The following MARCHF10 variants were observed in gnomAD, a reference collection of about 807,000 sequenced individuals.
MARCHF10 encodes the protein membrane associated ring-CH-type finger 10.
In MARCHF10, 64 loss-of-function variants were observed where a neutral mutation model predicts 76.2. The observed-to-expected ratio is 0.84, with a 90% CI of 0.69 to 1.03. The LOEUF (loss-of-function observed/expected upper bound fraction) is 1.03. Among genes scored for constraint, MARCHF10 ranks in the 50% least tolerant of loss-of-function variants. The probability of loss-of-function intolerance (pLI) is 0.00; values close to 1 mark genes in which losing one functional copy is unlikely to be tolerated. For synonymous variants in MARCHF10, 340 were observed against 357.5 expected, an observed-to-expected ratio of 0.95 and a Z score of 0.55; for missense variants, 875 against 958.0, an observed-to-expected ratio of 0.91 and a Z score of 1.14.
chr17:62,765,101 C>A (rs1290226703), intron 3 of MARCHF10, among the ~76,000 whole-genome samples: 1 of 152,088 alleles, frequency 6.6e-6, no homozygotes, highest in Non-Finnish European at 1.5e-5. Flanking sequence ...AATCCCAGCA[C>A]TTTGGGAGGC....
intron 4 of MARCHF10, among the ~76,000 whole-genome samples, chr17:62,755,699 G>C (rs1233182386): frequency 6.6e-6 from 1 of 152,174 alleles, no homozygotes; most frequent in Non-Finnish European, 1.5e-5. Flanking sequence ...TGGAGATAAA[G>C]CCTTTCTCTG....
chr17:62,779,550 T>C (rs2092617744), intron 3 of MARCHF10, among the ~76,000 whole-genome samples: 1 of 152,050 alleles, frequency 6.6e-6, no homozygotes, highest in African/African-American at 2.4e-5. Context: ...ACCCAGGTCA[T>C]AGAAAAACAC....
chr17:62,746,992 CCTTA>C (rs2091728576), intron 4 of MARCHF10: 7 of 1,528,050 alleles, frequency 4.6e-6, no homozygotes, highest in Non-Finnish European at 6.1e-6. Flanking sequence ...TGGAAAAAAC[CCTTA>C]CTTTCAGCGT....
chr17:62,801,564 A>T (rs2093073705), intron 2 of MARCHF10, 82 bp downstream of exon 2: 7 of 1,242,328 alleles, frequency 5.6e-6, no homozygotes, highest in Non-Finnish European at 7.0e-6. Context: ...TTTACTGCTT[A>T]TCATACGTTG....
chr17:62,735,620 T>TG (rs1169961106), intron 6 of MARCHF10: 18 of 301,842 alleles, frequency 6.0e-5, no homozygotes, highest in Non-Finnish European at 8.9e-5. Flanking sequence ...TCTTCATTGC[T>TG]GGAGAGAAGA....
intron 2 of MARCHF10, among the ~76,000 whole-genome samples, chr17:62,797,968 C>T (rs2093012506): frequency 6.6e-6 from 1 of 152,050 alleles, no homozygotes; most frequent in African/African-American, 2.4e-5. Context: ...GAGGAAGAGA[C>T]AGGGAAGGCT....
chr17:62,780,058 T>C (rs1258271878), intron 3 of MARCHF10, among the ~76,000 whole-genome samples: 2 of 151,828 alleles, frequency 1.3e-5, no homozygotes, highest in Non-Finnish European at 2.9e-5. Flanking sequence ...GATCTCACCG[T>C]TGCACTCCAG....
At chr17:62,772,334 C>T (rs2092464219) in intron 3 of MARCHF10, among the ~76,000 whole-genome samples, 1 of 152,152 alleles carries the variant, frequency 6.6e-6, no homozygotes, top group Non-Finnish European at 1.5e-5. Context: ...CTTTCGCCTT[C>T]TGCCATGATT....
intron 3 of MARCHF10, among the ~76,000 whole-genome samples, chr17:62,763,161 A>G (rs561021051): frequency 4.6e-5 from 7 of 152,342 alleles, no homozygotes; most frequent in African/African-American, 1.4e-4. Context: ...CCATGCAAGT[A>G]TTGGCTTTTA....
chr17:62,764,906 T>G (rs907028331), intron 3 of MARCHF10, among the ~76,000 whole-genome samples: 1 of 152,178 alleles, frequency 6.6e-6, no homozygotes, highest in Non-Finnish European at 1.5e-5. Context: ...CTCAGTAGGC[T>G]TTTTGGTCTT....
At chr17:62,783,209 T>G (rs1215700687) in intron 3 of MARCHF10, among the ~76,000 whole-genome samples, 1 of 149,392 alleles carries the variant, frequency 6.7e-6, no homozygotes, top group Non-Finnish European at 1.5e-5. Context: ...TTTTTTTTTT[T>G]TTTTTTTTTT....
At chr17:62,754,283 G>C (rs777977010) in intron 4 of MARCHF10, among the ~76,000 whole-genome samples, 2 of 152,190 alleles carry the variant, frequency 1.3e-5, no homozygotes, top group African/African-American at 2.4e-5. Context: ...ATGTTGGCCA[G>C]GCTGGTTTCT....
At chr17:62,717,075 C>T (rs1010513251) in intron 8 of MARCHF10, among the ~76,000 whole-genome samples, 5 of 152,248 alleles carry the variant, frequency 3.3e-5, no homozygotes, top group Admixed American at 6.5e-5. Context: ...GTTTCAGTGA[C>T]GTTGTAGATA....
intron 4 of MARCHF10, among the ~76,000 whole-genome samples, chr17:62,753,449 C>T (rs969020737): frequency 1.3e-5 from 2 of 152,160 alleles, no homozygotes; most frequent in Admixed American, 6.5e-5. Context: ...TAGGAATATC[C>T]CTGAGATCTT....
At chr17:62,755,037 C>T (rs1208606935) in intron 4 of MARCHF10, among the ~76,000 whole-genome samples, 1 of 152,200 alleles carries the variant, frequency 6.6e-6, no homozygotes, top group African/African-American at 2.4e-5. Context: ...CTTAGCTTTA[C>T]AAGAACCTGT....
chr17:62,795,954 T>C (rs1290354005), intron 2 of MARCHF10, among the ~76,000 whole-genome samples: 3 of 151,662 alleles, frequency 2.0e-5, no homozygotes, highest in African/African-American at 7.3e-5. Flanking sequence ...TAAATACACA[T>C]GGGCTGTCTA....
At chr17:62,769,950 G>C (rs2092410864) in intron 3 of MARCHF10, among the ~76,000 whole-genome samples, 1 of 152,052 alleles carries the variant, frequency 6.6e-6, no homozygotes, top group Non-Finnish European at 1.5e-5. Context: ...ATGCAGGTTT[G>C]TTACATGGGT....
At chr17:62,748,549 C>A (rs1267482314) in intron 4 of MARCHF10, among the ~76,000 whole-genome samples, 1 of 152,118 alleles carries the variant, frequency 6.6e-6, no homozygotes, top group Non-Finnish European at 1.5e-5. Context: ...CCAGCCTGGG[C>A]AACAAAGTGA....
intron 4 of MARCHF10, among the ~76,000 whole-genome samples, chr17:62,753,638 G>A (rs753425374): frequency 8.5e-5 from 13 of 152,052 alleles, no homozygotes; most frequent in Non-Finnish European, 1.3e-4. Context: ...CCTCTCCTCC[G>A]TTCCTTTGCA....
Sources: allele counts gnomAD v4.1 joint callset (sites outside exome capture counted in the v4.1 genomes callset), GRCh38; gene constraint gnomAD v4.1.1; transcripts MANE v1.5; gene names NCBI Gene and HGNC (gene_info 2026-07-23, HGNC 2026-07-21).